Variants in CFAP58 observed in about 807,000 individuals in gnomAD.
CFAP58 encodes cilia- and flagella-associated protein 58.
Under a neutral mutation model 119.5 loss-of-function variants are expected in CFAP58, and 88 were observed. That is an observed-to-expected ratio of 0.74 (90% CI 0.62 to 0.88). The LOEUF (loss-of-function observed/expected upper bound fraction) is 0.88, where lower values mean the gene tolerates loss of function less well. CFAP58 is among the 40% of genes least tolerant of loss of function. CFAP58 has a pLI of 0.00. For synonymous variants in CFAP58, 365 were observed against 366.3 expected (o/e 1.00, Z 0.04); for missense variants, 990 against 1,021.2 (o/e 0.97, Z 0.42).
intron 10 of CFAP58, among the ~76,000 whole-genome samples, chr10:104,392,702 C>T (rs1045381614): frequency 4.0e-5 from 6 of 148,888 alleles, no homozygotes; most frequent in Admixed American, 2.0e-4. Context: ...TGCAGTGACG[C>T]GATCTCGGCT....
chr10:104,406,752 A>G lies in CFAP58; in HGVS notation c.2215A>G (p.Ser739Gly), dbSNP rs373251966. The G allele has an allele frequency of 5.0e-6, 8 of 1,614,106 alleles. No homozygotes were observed. Among genetic ancestry groups the G allele is most frequent in the African/African-American group, 1.3e-5 (1 of 74,932 alleles). The change falls in exon 15 of 18, where the codon AGC becomes GGC. Residue 739 changes from serine to glycine, a missense_variant. Physicochemically the swap from Ser to Gly is moderately conservative, Grantham distance 56. Coordinates refer to ENST00000369704, the MANE Select transcript of CFAP58 (RefSeq NM_001008723.2). ...KIHTLQKRLISKTEEVVEKEL... is the reference protein window; with the variant it reads ...KIHTLQKRLIGKTEEVVEKEL... ...TCACACCCTGCAGAAGCGTCTCATC[A>G]GCAAGACTGAAGAGGTGGTTGAAAA... is the stretch of plus-strand genomic sequence containing the variant.
chr10:104,370,306 A>C (rs1337702173), intron 6 of CFAP58, among the ~76,000 whole-genome samples: 1 of 152,236 alleles, frequency 6.6e-6, no homozygotes, highest in Non-Finnish European at 1.5e-5. Context: ...GCTGCTGATA[A>C]AGACACACCC....
chr10:104,415,569 A>G (rs1050823060), intron 15 of CFAP58, among the ~76,000 whole-genome samples: 1 of 152,110 alleles, frequency 6.6e-6, no homozygotes, highest in African/African-American at 2.4e-5. Flanking sequence ...CATTCTGGGA[A>G]CTGTGGGCCC....
intron 7 of CFAP58, among the ~76,000 whole-genome samples, chr10:104,373,009 A>G (rs11814253): frequency 0.02 from 3,059 of 152,288 alleles, 120 homozygotes; most frequent in African/African-American, 0.07. Context: ...CAGAACTAAC[A>G]ACAGAGGTTA....
At chr10:104,388,163 T>C (rs983106669) in intron 9 of CFAP58, among the ~76,000 whole-genome samples, 1 of 152,222 alleles carries the variant, frequency 6.6e-6, no homozygotes, top group African/African-American at 2.4e-5. Flanking sequence ...TTTTCTATCA[T>C]AATAAAAGAA....
chr10:104,370,909 A>G lies in CFAP58; in HGVS notation c.945A>G (p.Glu315=), dbSNP rs749418232. Residue 315 remains glutamate, a synonymous_variant, in exon 7 of 18, where the codon GAA becomes GAG. Coordinates refer to ENST00000369704, the MANE Select transcript of CFAP58 (RefSeq NM_001008723.2). ...KALELKAKEE[E]VHQMRLDIGK... Reference sequence around the variant, plus strand: ...ACTAATTACAGGCCAAAGAGGAAGAAGTCCATCAAATGCGCCTTGACATCG... The same window carrying G: ...ACTAATTACAGGCCAAAGAGGAAGAGGTCCATCAAATGCGCCTTGACATCG... The G allele has an allele frequency of 1.9e-6, 3 of 1,612,478 alleles. No individual in the cohort carries two copies. In the South Asian group the frequency reaches 3.3e-5, roughly 18 times the overall value.
chr10:104,382,660 C>T (rs1041243794), intron 9 of CFAP58, among the ~76,000 whole-genome samples: 1 of 152,290 alleles, frequency 6.6e-6, no homozygotes, highest in Non-Finnish European at 1.5e-5. Flanking sequence ...GGAGTTTTCC[C>T]TAAGCTGTTC....
chr10:104,370,427 T>C (rs944589006), intron 6 of CFAP58, among the ~76,000 whole-genome samples: 50 of 152,168 alleles, frequency 3.3e-4, no homozygotes, highest in Non-Finnish European at 2.4e-4. Context: ...TCACATCTTA[T>C]GTGGATGGCA....
chr10:104,427,579 G>A (rs1425103038), intron 15 of CFAP58, among the ~76,000 whole-genome samples: 5 of 152,086 alleles, frequency 3.3e-5, no homozygotes, highest in African/African-American at 4.8e-5. Context: ...TGCTCACACC[G>A]ATTAATCTCT....
intron 9 of CFAP58, among the ~76,000 whole-genome samples, chr10:104,387,973 A>G (rs1197963499): frequency 1.3e-5 from 2 of 152,230 alleles, no homozygotes; most frequent in Non-Finnish European, 2.9e-5. Context: ...ATGTGCTTTC[A>G]AGGACTTAAT....
At chr10:104,446,074 A>T (rs2013109388) in intron 15 of CFAP58, among the ~76,000 whole-genome samples, 2 of 152,172 alleles carry the variant, frequency 1.3e-5, no homozygotes, top group Non-Finnish European at 1.5e-5. Flanking sequence ...CATATTTATT[A>T]CCCTCTCCAA....
intron 9 of CFAP58, among the ~76,000 whole-genome samples, chr10:104,383,156 T>C (rs1179581868): frequency 6.6e-6 from 1 of 152,210 alleles, no homozygotes; most frequent in Non-Finnish European, 1.5e-5. Context: ...CACATTCCTA[T>C]TCACCCTTCG....
rs1272725106 is a variant in CFAP58 at position 104,393,345 on chromosome 10, T to C, written c.1544T>C (p.Met515Thr). ...LVEAQDEITD[M>T]KRKLKIMIHQ... is the part of the protein sequence containing the mutation. ...TTTGGTTAGGATGAAATAACAGATA[T>C]GAAGAGAAAGTTAAAGATTATGATC... Residue 515 changes from methionine (M) to threonine (T), a missense_variant, in exon 11 of 18, where the codon ATG (methionine) becomes ACG (threonine). By Grantham distance (81) the Met-to-Thr change is moderately conservative. Transcript: ENST00000369704. The C allele has an allele frequency of 1.3e-5, 21 of 1,613,460 alleles. No homozygotes were observed. The East Asian group carries it at 4.5e-4, about 34-fold the overall frequency.
chr10:104,354,542 C>T (rs2014514857), intron 1 of CFAP58, among the ~76,000 whole-genome samples: 1 of 152,040 alleles, frequency 6.6e-6, no homozygotes, highest in Admixed American at 6.5e-5. Flanking sequence ...TCCCTGCCTG[C>T]CCCTTAGCCC....
At chr10:104,420,558 A>G (rs1419863960) in intron 15 of CFAP58, among the ~76,000 whole-genome samples, 1 of 152,042 alleles carries the variant, frequency 6.6e-6, no homozygotes, top group Non-Finnish European at 1.5e-5. Flanking sequence ...TACTTGGGAG[A>G]TGAAACAATC....
chr10:104,386,967 C>T (rs369694694), intron 9 of CFAP58, among the ~76,000 whole-genome samples: 8 of 152,190 alleles, frequency 5.3e-5, no homozygotes, highest in African/African-American at 1.9e-4. Context: ...AAAACAGCAT[C>T]AACATTTGCC....
At chr10:104,370,345 A>T (rs1461863790) in intron 6 of CFAP58, among the ~76,000 whole-genome samples, 1 of 152,226 alleles carries the variant, frequency 6.6e-6, no homozygotes, top group East Asian at 1.9e-4. Flanking sequence ...AAAGAAAGAG[A>T]TTTAATTGGA....
intron 4 of CFAP58, among the ~76,000 whole-genome samples, 164 bp downstream of exon 4, chr10:104,365,053 C>A (rs1240613740): frequency 6.6e-6 from 1 of 152,124 alleles, no homozygotes; most frequent in East Asian, 1.9e-4. Context: ...TTGAGAGGAG[C>A]TTTACTTGAT....
intron 9 of CFAP58, among the ~76,000 whole-genome samples, chr10:104,391,524 A>C (rs188831608): frequency 6.6e-6 from 1 of 152,362 alleles, no homozygotes; most frequent in East Asian, 1.9e-4. Flanking sequence ...ACCTTTAAAA[A>C]AGCAACTTGT....
Sources: gnomAD v4.1 joint callset for allele counts (sites outside exome capture counted in the v4.1 genomes callset) on GRCh38, gnomAD v4.1.1 for gene constraint, MANE v1.5 for transcripts, NCBI Gene and HGNC (gene_info 2026-07-23, HGNC 2026-07-21) for gene names.